Variants in TPGS2 observed in about 807,000 individuals in gnomAD.
The protein encoded by TPGS2 is polyglutamylase subunit 2.
TPGS2 carries 26 observed loss-of-function variants against 31.1 expected under a neutral mutation model. That is an observed-to-expected ratio of 0.84 (90% confidence interval 0.61 to 1.16). The LOEUF is 1.16. Ranked by LOEUF, TPGS2 falls within the 50% of genes most tolerant of loss-of-function variation. The pLI is 0.00. For missense variants in TPGS2, 351 were observed against 363.8 expected (o/e 0.96, Z 0.29); for synonymous variants, 130 against 136.6 (o/e 0.95, Z 0.34).
intron 1 of TPGS2, among the ~76,000 whole-genome samples, chr18:36,821,762 C>G (rs2045904597): frequency 6.6e-6 from 1 of 152,222 alleles, no homozygotes; most frequent in African/African-American, 2.4e-5. Flanking sequence ...TAGAAAACAT[C>G]AGAAACTGCA....
intron 5 of TPGS2, 120 bp from the exon 6 acceptor site, chr18:36,798,729 G>A (rs2044655939): frequency 1.4e-6 from 2 of 1,448,606 alleles, no homozygotes; most frequent in Non-Finnish European, 1.8e-6. Flanking sequence ...AATGGAAAAT[G>A]TAAAGTAAAA....
chr18:36,792,188 T>C (rs547567573), downstream of TPGS2, among the ~76,000 whole-genome samples: 1 of 152,260 alleles, frequency 6.6e-6, no homozygotes, highest in African/African-American at 2.4e-5. Flanking sequence ...TGAATGGCTA[T>C]TGGACAGAAA....
intron 1 of TPGS2, among the ~76,000 whole-genome samples, chr18:36,820,042 C>A (rs2045828633): frequency 6.6e-6 from 1 of 152,170 alleles, no homozygotes; most frequent in South Asian, 2.1e-4. Flanking sequence ...GTTCACTGAT[C>A]CTATAATTAA....
At chr18:36,799,001 T>C (rs2044673161) in intron 5 of TPGS2, among the ~76,000 whole-genome samples, 1 of 152,174 alleles carries the variant, frequency 6.6e-6, no homozygotes, top group Admixed American at 6.5e-5. Flanking sequence ...GCTTAGGTTT[T>C]TTTGAAGAAG....
At chr18:36,818,721 T>C (rs190162941) in intron 2 of TPGS2, 173 bp downstream of exon 2, 115 of 549,960 alleles carry the variant, frequency 2.1e-4, no homozygotes, top group African/African-American at 2.0e-3. Context: ...GTAAGTGGCA[T>C]AGAATGAAAG....
chr18:36,798,144 C>T (rs2044623967), intron 6 of TPGS2: 1 of 1,146,112 alleles, frequency 8.7e-7, no homozygotes, highest in Non-Finnish European at 1.1e-6. Flanking sequence ...TTCACTCTTC[C>T]TGGGTGCATG....
chr18:36,814,012 T>C (rs1385426088), intron 2 of TPGS2, among the ~76,000 whole-genome samples: 2 of 152,170 alleles, frequency 1.3e-5, no homozygotes, highest in East Asian at 1.9e-4. Context: ...CTGTAGACTG[T>C]AGAAAAACTG....
intron 2 of TPGS2, among the ~76,000 whole-genome samples, chr18:36,817,249 A>G (rs2150666973): frequency 6.6e-6 from 1 of 152,198 alleles, no homozygotes; most frequent in South Asian, 2.1e-4. Flanking sequence ...CAGCCCAGGG[A>G]GGGGAGTCAG....
Position 36,807,837 on chromosome 18 carries a change from G to C in TPGS2, c.253+10C>G. The C allele has an allele frequency of 2.5e-6, 4 of 1,613,270 alleles. No homozygotes were observed. The highest frequency in any genetic ancestry group is 3.4e-6 in the Non-Finnish European group (4 of 1,179,386). ...CAGGGAAATGTTCTCCTACAAGGAG[G>C]CTGACTCACCATCCAGCTTCACACT... is the stretch of plus-strand genomic sequence containing the variant. On this transcript the variant is annotated intron_variant, in intron 3 of 6. Coordinates refer to ENST00000334295, the MANE Select transcript of TPGS2 (RefSeq NM_015476.4).
intron 6 of TPGS2, chr18:36,798,059 G>A (rs12373339): frequency 0.29 from 203,043 of 705,488 alleles, 30,495 homozygotes; most frequent in East Asian, 0.4. Flanking sequence ...CTTGGGAAGG[G>A]CGTACAGGAA....
intron 1 of TPGS2, among the ~76,000 whole-genome samples, chr18:36,825,712 G>GT (rs2046106625): frequency 6.6e-6 from 1 of 152,156 alleles, no homozygotes; most frequent in Non-Finnish European, 1.5e-5. Flanking sequence ...ATAGGGAAAT[G>GT]TGAGTAAGAG....
intron 2 of TPGS2, among the ~76,000 whole-genome samples, chr18:36,812,710 C>A (rs916707398): frequency 6.6e-6 from 1 of 152,214 alleles, no homozygotes; most frequent in Non-Finnish European, 1.5e-5. Context: ...GTCAGAAGCA[C>A]AGGTAAAACA....
chr18:36,807,883 T>C lies in TPGS2; in HGVS notation c.217A>G (p.Asn73Asp). The C allele has an allele frequency of 6.2e-7, 1 of 1,614,166 alleles. No individual in the cohort carries two copies. The highest frequency in any genetic ancestry group is 8.5e-7 in the Non-Finnish European group (1 of 1,180,024). Residue 73 changes from asparagine (N) to aspartate (D), a missense_variant, in exon 3 of 7, where the codon AAT becomes GAT. Transcript: ENST00000334295. Reference protein sequence around the residue: ...EDVKNFYLMTNGFHMTWSVKL... With the variant: ...EDVKNFYLMTDGFHMTWSVKL... ...ACACTCCATGTCATGTGGAAGCCATTGGTCATCAGGTAAAAGTTCTTCACA... is the reference window on the plus strand; with the variant it reads ...ACACTCCATGTCATGTGGAAGCCATCGGTCATCAGGTAAAAGTTCTTCACA...
In TPGS2 at chr18:36,795,726, C is replaced by T. The variant is rs896486720; in HGVS notation, c.*1079G>A. The T allele has an allele frequency of 1.1e-4, 113 of 985,270 alleles. No individual in the cohort carries two copies. Among genetic ancestry groups the T allele is most frequent in the Non-Finnish European group, 1.3e-4 (111 of 829,934 alleles). 61.0% of individuals were successfully genotyped at this position (985,270 alleles called of 1,614,324 possible). A position where few individuals can be genotyped will look rare whatever the true frequency, so the allele number is the denominator to read the frequency against. ...GGGAAAATGATTTCTGAATTACAGG[C>T]AACTTGCTTCCAAAGGAACTCTTGG... On this transcript the variant is annotated 3_prime_UTR_variant, in exon 7 of 7. Transcript: ENST00000334295.
intron 1 of TPGS2, among the ~76,000 whole-genome samples, chr18:36,821,619 A>G (rs554669649): frequency 1.8e-4 from 27 of 152,350 alleles, no homozygotes; most frequent in African/African-American, 6.5e-4. Flanking sequence ...GCTTAGTTAG[A>G]TATATAAGAC....
At chr18:36,791,589 G>C (rs950852396), downstream of TPGS2, among the ~76,000 whole-genome samples, 39 of 152,194 alleles carry the variant, frequency 2.6e-4, no homozygotes, top group African/African-American at 9.2e-4. Context: ...TGGAAACAAA[G>C]GGGCAAAAGA....
chr18:36,808,031 G>A (rs1186221173), intron 2 of TPGS2, 97 bp from the exon 3 acceptor site: 32 of 1,156,932 alleles, frequency 2.8e-5, no homozygotes, highest in East Asian at 4.8e-5. Context: ...CATGTTATAC[G>A]TCCCTGAAAT....
chr18:36,795,383 A>G lies in TPGS2; in HGVS notation c.*1422T>C. ...TGAGCCAGCTGGGACTGAAGTGTGC[A>G]GATGGTAGAGGCCCCTGCACCTCAT... On this transcript the variant is annotated 3_prime_UTR_variant, in exon 7 of 7. Coordinates refer to ENST00000334295, the MANE Select transcript of TPGS2 (RefSeq NM_015476.4). The G allele has an allele frequency of 1.0e-6, 1 of 985,444 alleles. No individual in the cohort carries two copies. The highest frequency in any genetic ancestry group is 1.2e-6 in the Non-Finnish European group (1 of 829,960). 61.0% of individuals were successfully genotyped at this position (985,444 alleles called of 1,614,324 possible). A position where few individuals can be genotyped will look rare whatever the true frequency, so the allele number is the denominator to read the frequency against.
At chr18:36,804,871 G>A (rs519309) in intron 4 of TPGS2, among the ~76,000 whole-genome samples, 141,044 of 152,168 alleles carry the variant, frequency 0.93, 65,500 homozygotes, top group East Asian at 1. Flanking sequence ...GCCCTTTGCC[G>A]TTTACTCATC....
Sources: allele counts gnomAD v4.1 joint callset (sites outside exome capture counted in the v4.1 genomes callset), GRCh38; gene constraint gnomAD v4.1.1; transcripts MANE v1.5; gene names NCBI Gene and HGNC (gene_info 2026-07-23, HGNC 2026-07-21).